The following CYRIA variants were observed in gnomAD, a reference collection of about 807,000 sequenced individuals.
CYRIA encodes the protein CYFIP-related Rac1 interactor A.
In CYRIA, 15 loss-of-function variants were observed where a neutral mutation model predicts 43.9. That is an observed-to-expected ratio of 0.34 (90% CI 0.23 to 0.53). The LOEUF (loss-of-function observed/expected upper bound fraction) is 0.53. CYRIA is among the 20% of genes least tolerant of loss of function. The pLI is 0.94. For synonymous variants in CYRIA, 117 were observed against 136.0 expected (o/e 0.86, Z 0.97); for missense variants, 236 against 394.2 (o/e 0.60, Z 3.40).
Position 16,562,044 on chromosome 2 carries a change from G to A in CYRIA, c.396C>T (p.Ala132=), listed in dbSNP as rs747929826. The A allele has an allele frequency of 3.7e-5, 59 of 1,613,238 alleles. No individual in the cohort carries two copies. Among genetic ancestry groups the A allele is most frequent in the South Asian group, 1.2e-4 (11 of 91,006 alleles). ...ATCGAAGGGTAAAATGTAAAATTTC[G>A]GCAAACTCCTTTGCCAGGGCCTGTT... ...EREQALAKEF[A]EILHFTLRFD... The change falls in exon 6 of 12, where the codon GCC becomes GCT. Residue 132 remains alanine (A), a synonymous_variant. Coordinates refer to ENST00000381323, the MANE Select transcript of CYRIA (RefSeq NM_030797.4).
rs146164382 is a variant in CYRIA at position 16,643,033 on chromosome 2, T to C, written c.-166-19014A>G. ...TAATAGTATACTATATATAATAATA[T>C]AATTATTACCTAAATAAGATAAATA... On this transcript the variant is annotated intron_variant, in intron 1 of 11. Coordinates refer to ENST00000381323, the MANE Select transcript of CYRIA (RefSeq NM_030797.4). Among the ~76,000 whole-genome samples, 975 of 149,074 alleles carry C rather than the reference T, an allele frequency of 6.5e-3. 7 individuals carry two copies. The highest frequency in any genetic ancestry group is 0.022 in the African/African-American group (896 of 40,998).
chr2:16,661,335 T>C (rs1558446707), intron 1 of CYRIA, among the ~76,000 whole-genome samples: 1 of 152,136 alleles, frequency 6.6e-6, no homozygotes, highest in Admixed American at 6.5e-5. Flanking sequence ...GAGCCATCCA[T>C]CCATATGTTC....
chr2:16,575,852 T>C (rs1371407417), intron 3 of CYRIA, among the ~76,000 whole-genome samples: 2 of 149,738 alleles, frequency 1.3e-5, no homozygotes, highest in Non-Finnish European at 3.0e-5. Context: ...CGAGACTCCA[T>C]CTCAAAAAAA....
intron 5 of CYRIA, among the ~76,000 whole-genome samples, chr2:16,563,022 G>A (rs977504448): frequency 9.9e-5 from 15 of 152,034 alleles, no homozygotes; most frequent in African/African-American, 2.4e-4. Flanking sequence ...CATTTCTACC[G>A]GGATATCTCT....
intron 2 of CYRIA, among the ~76,000 whole-genome samples, chr2:16,592,537 G>T (rs372812916): frequency 6.6e-6 from 1 of 152,136 alleles, no homozygotes; most frequent in African/African-American, 2.4e-5. Context: ...TGAAGTGAAG[G>T]TGTCTGGGCA....
chr2:16,589,388 G>C (rs1667842458), intron 2 of CYRIA, among the ~76,000 whole-genome samples: 1 of 152,074 alleles, frequency 6.6e-6, no homozygotes, highest in Non-Finnish European at 1.5e-5. Flanking sequence ...GGTGGGATCT[G>C]GTCTCCATAA....
chr2:16,561,031 G>A lies in CYRIA; in HGVS notation c.669C>T (p.Leu223=). 1 of 1,613,774 alleles carries A rather than the reference G, an allele frequency of 6.2e-7. No individual in the cohort carries two copies. The highest frequency in any genetic ancestry group is 1.7e-5 in the Admixed American group (1 of 59,998). ...TLPIENTTDC[L]STMTSVCKVM... ...CTTTACAGACACTTGTCATTGTGCT[G>A]AGGCAGTCTGTGGTGTTCTCTATTG... The change falls in exon 9 of 12, where the codon CTC becomes CTT. Residue 223 remains leucine, a synonymous_variant. Coordinates refer to ENST00000381323, the MANE Select transcript of CYRIA (RefSeq NM_030797.4).
rs754874247 is a variant in CYRIA, at chr2:16,559,627, G to A, written c.711-41C>T. 1.9e-6 allele frequency: 3 copies of A among 1,598,430 alleles called. No homozygotes were observed. The Admixed American group carries it at 5.1e-5, about 27-fold the overall frequency. The stretch of plus-strand genomic sequence containing the variant: ...CAGCAGTGGCGTCACTTCCTTGTCA[G>A]AACATGTGCGTTCTTTGGCCCCACA... On this transcript the variant is annotated intron_variant, in intron 9 of 11. Transcript: ENST00000381323.
At chr2:16,559,968 G>A (rs7576116) in intron 9 of CYRIA, among the ~76,000 whole-genome samples, 1,548 of 152,212 alleles carry the variant, frequency 0.01, 21 homozygotes, top group African/African-American at 0.033. Context: ...TCATTTCTAC[G>A]GAGCAGCTAT....
In CYRIA at chr2:16,617,297, T is replaced by G. The variant is rs73918618; in HGVS notation, c.-11+6567A>C. Among the ~76,000 whole-genome samples the G allele has an allele frequency of 7.9e-3, 1,203 of 152,326 alleles. 26 individuals are homozygous for G. The highest frequency in any genetic ancestry group is 0.028 in the African/African-American group (1,146 of 41,570). On this transcript the variant is annotated intron_variant, in intron 2 of 11. Coordinates refer to ENST00000381323, the MANE Select transcript of CYRIA (RefSeq NM_030797.4). ...CAGTCACGATTCTTCATAACTCCTC[T>G]GCCAGTGTGCACCTGGCCCCAACCC... is the stretch of plus-strand genomic sequence containing the variant.
At chr2:16,569,208 G>C (rs762818605) in intron 3 of CYRIA, among the ~76,000 whole-genome samples, 1 of 152,086 alleles carries the variant, frequency 6.6e-6, no homozygotes, top group Non-Finnish European at 1.5e-5. Flanking sequence ...CGGACTTCAG[G>C]GGCTGTGGTA....
chr2:16,659,005 A>C (rs1670182687), intron 1 of CYRIA, among the ~76,000 whole-genome samples: 2 of 152,216 alleles, frequency 1.3e-5, no homozygotes, highest in Non-Finnish European at 2.9e-5. Flanking sequence ...GGCTCAGCTC[A>C]TTATTTCTGT....
At chr2:16,555,283 C>T (rs1666466325) in intron 10 of CYRIA, 144 bp from the exon 11 acceptor site, 1 of 737,018 alleles carries the variant, frequency 1.4e-6, no homozygotes, top group Admixed American at 2.2e-5. Context: ...GTTTTCCTAC[C>T]CCCTCAGGCT....
intron 1 of CYRIA, among the ~76,000 whole-genome samples, chr2:16,632,508 C>T (rs1247809478): frequency 1.3e-5 from 2 of 152,262 alleles, no homozygotes; most frequent in Non-Finnish European, 2.9e-5. Context: ...AATGATATAT[C>T]GCTCATACTA....
At chr2:16,622,047 GC>G (rs1467521855) in intron 2 of CYRIA, among the ~76,000 whole-genome samples, 2 of 152,128 alleles carry the variant, frequency 1.3e-5, no homozygotes, top group African/African-American at 4.8e-5. Flanking sequence ...GTGAATGACT[GC>G]CTTAGAAAAG....
chr2:16,627,815 G>A (rs932981285), intron 1 of CYRIA, among the ~76,000 whole-genome samples: 3 of 152,172 alleles, frequency 2.0e-5, no homozygotes, highest in East Asian at 3.9e-4. Flanking sequence ...GGTAGCAGCC[G>A]ACCAATGTCA....
intron 1 of CYRIA, among the ~76,000 whole-genome samples, chr2:16,628,906 T>C (rs1669241431): frequency 6.6e-6 from 1 of 152,204 alleles, no homozygotes; most frequent in Admixed American, 6.5e-5. Flanking sequence ...CACTTGGTTA[T>C]AAAGCAGTCA....
At chr2:16,612,772 C>T (rs1167848877) in intron 2 of CYRIA, among the ~76,000 whole-genome samples, 1 of 152,188 alleles carries the variant, frequency 6.6e-6, no homozygotes, top group African/African-American at 2.4e-5. Flanking sequence ...GGTGGATGCT[C>T]ATTTTATGGA....
At chr2:16,625,158 G>A (rs1187511783) in intron 1 of CYRIA, among the ~76,000 whole-genome samples, 2 of 152,102 alleles carry the variant, frequency 1.3e-5, no homozygotes, top group African/African-American at 4.8e-5. Flanking sequence ...TGGGGGTGGG[G>A]GATGGTGGTG....
Sources: gnomAD v4.1 joint callset for allele counts (sites outside exome capture counted in the v4.1 genomes callset) on GRCh38, gnomAD v4.1.1 for gene constraint, MANE v1.5 for transcripts, NCBI Gene and HGNC (gene_info 2026-07-23, HGNC 2026-07-21) for gene names.